The following CCDC91 variants were observed in gnomAD, a reference collection of about 807,000 sequenced individuals.
CCDC91 encodes coiled-coil domain-containing protein 91.
CCDC91 carries 48 observed loss-of-function variants against 63.2 expected under a neutral mutation model. The observed-to-expected ratio is 0.76, with a 90% CI of 0.60 to 0.97. The LOEUF (loss-of-function observed/expected upper bound fraction) is 0.97. CCDC91 is among the 50% of genes least tolerant of loss of function. The probability of loss-of-function intolerance (pLI) is 0.00; values close to 1 mark genes in which losing one functional copy is unlikely to be tolerated. For missense variants in CCDC91, 500 were observed against 494.6 expected (o/e 1.01, Z -0.10); for synonymous variants, 167 against 165.8 (o/e 1.01, Z -0.06).
intron 11 of CCDC91, among the ~76,000 whole-genome samples, chr12:28,466,606 A>G (rs1386140464): frequency 6.6e-6 from 1 of 152,158 alleles, no homozygotes; most frequent in Non-Finnish European, 1.5e-5. Context: ...CTAGAATAGT[A>G]CATTCAGCAA....
chr12:28,391,605 T>C (rs1180548193), intron 8 of CCDC91, among the ~76,000 whole-genome samples, 194 bp downstream of exon 8: 3 of 152,164 alleles, frequency 2.0e-5, no homozygotes, highest in African/African-American at 7.2e-5. Context: ...AATATGTGGG[T>C]CTCCCCCACA....
Position 28,522,745 on chromosome 12 carries a change from A to G in CCDC91, c.1216-26318A>G, listed in dbSNP as rs572237176. Among the ~76,000 whole-genome samples the G allele has an allele frequency of 1.0e-3, 155 of 152,206 alleles. 1 individual carries two copies. Among genetic ancestry groups the G allele is most frequent in the African/African-American group, 3.0e-3 (125 of 41,526 alleles). ...AATTTCCATCTACACACTGCTTTCA[A>G]TGTGTCCCAGAAATTCTGGTATGTT... On this transcript the variant is annotated intron_variant, in intron 12 of 12. Transcript: ENST00000536442.
chr12:28,440,000 A>G (rs1211954811), intron 8 of CCDC91, among the ~76,000 whole-genome samples: 2 of 151,768 alleles, frequency 1.3e-5, no homozygotes, highest in Admixed American at 6.6e-5. Flanking sequence ...TAAAATTTCA[A>G]TTTTTGAAAA....
intron 1 of CCDC91, among the ~76,000 whole-genome samples, chr12:28,201,863 C>CA (rs1223447088): frequency 3.5e-5 from 5 of 143,252 alleles, no homozygotes; most frequent in Non-Finnish European, 1.6e-5. Flanking sequence ...CCGTCTCCAC[C>CA]AAAAAAATAC....
chr12:28,198,748 T>G (rs564234893), intron 1 of CCDC91, among the ~76,000 whole-genome samples: 92 of 152,308 alleles, frequency 6.0e-4, no homozygotes, highest in Middle Eastern at 6.8e-3. Context: ...TTGAATCCAT[T>G]TACAATTAAT....
At chr12:28,518,693 T>C (rs1484029147) in intron 12 of CCDC91, among the ~76,000 whole-genome samples, 1 of 152,042 alleles carries the variant, frequency 6.6e-6, no homozygotes, top group Non-Finnish European at 1.5e-5. Context: ...TTTATTGCAT[T>C]TGTTTTTGGG....
chr12:28,371,312 T>C (rs4931741), intron 7 of CCDC91, among the ~76,000 whole-genome samples: 139,202 of 152,100 alleles, frequency 0.92, 64,840 homozygotes, highest in East Asian at 1. Flanking sequence ...ATGCAAAACC[T>C]TATGGTGAAC....
At chr12:28,343,011 A>C (rs1404844270) in intron 6 of CCDC91, among the ~76,000 whole-genome samples, 1 of 152,078 alleles carries the variant, frequency 6.6e-6, no homozygotes, top group African/African-American at 2.4e-5. Flanking sequence ...TGGCCTATCA[A>C]ACTTAAGGCA....
intron 1 of CCDC91, among the ~76,000 whole-genome samples, chr12:28,202,359 T>C (rs937297211): frequency 3.9e-5 from 6 of 152,258 alleles, no homozygotes. Context: ...GAAAATTAGA[T>C]AATTAAATAA....
At chr12:28,456,164 C>A (rs1950048473) in intron 11 of CCDC91, among the ~76,000 whole-genome samples, 1 of 152,052 alleles carries the variant, frequency 6.6e-6, no homozygotes. Context: ...CATTCTGTAA[C>A]ATTTATGGCG....
intron 6 of CCDC91, among the ~76,000 whole-genome samples, chr12:28,333,990 C>G (rs1941722958): frequency 6.6e-6 from 1 of 151,948 alleles, no homozygotes; most frequent in African/African-American, 2.4e-5. Flanking sequence ...ACATGACAGA[C>G]TTCTGTGCTT....
intron 12 of CCDC91, among the ~76,000 whole-genome samples, chr12:28,495,986 TAA>T (rs753251695): frequency 5.3e-5 from 8 of 151,692 alleles, no homozygotes; most frequent in Non-Finnish European, 1.0e-4. Context: ...ACCAGGTAAC[TAA>T]AATCTTTCCG....
At chr12:28,395,139 CT>C (rs1946211765) in intron 8 of CCDC91, among the ~76,000 whole-genome samples, 1 of 152,112 alleles carries the variant, frequency 6.6e-6, no homozygotes, top group African/African-American at 2.4e-5. Context: ...AGAACCTTTA[CT>C]TTTTACAAAA....
intron 6 of CCDC91, among the ~76,000 whole-genome samples, chr12:28,331,413 A>G (rs1158962678): frequency 1.3e-5 from 2 of 152,218 alleles, no homozygotes; most frequent in Non-Finnish European, 1.5e-5. Context: ...AAATAGAAGC[A>G]AAAGTATTGT....
chr12:28,214,056 C>A (rs1476424485), intron 1 of CCDC91, among the ~76,000 whole-genome samples: 4 of 152,098 alleles, frequency 2.6e-5, no homozygotes, highest in Admixed American at 2.6e-4. Context: ...GACTTGCTAG[C>A]AAAATTTTTG....
intron 7 of CCDC91, among the ~76,000 whole-genome samples, chr12:28,378,417 A>G (rs1945081143): frequency 6.6e-6 from 1 of 152,080 alleles, no homozygotes; most frequent in East Asian, 1.9e-4. Context: ...GAAGGAGAAC[A>G]TATTACATTT....
At chr12:28,399,401 A>T (rs1050212935) in intron 8 of CCDC91, among the ~76,000 whole-genome samples, 2 of 152,182 alleles carry the variant, frequency 1.3e-5, no homozygotes, top group African/African-American at 4.8e-5. Flanking sequence ...CTTGGGGATT[A>T]TGGGAACCAA....
intron 1 of CCDC91, among the ~76,000 whole-genome samples, chr12:28,227,011 A>C (rs1456406368): frequency 2.0e-5 from 3 of 152,070 alleles, no homozygotes; most frequent in African/African-American, 7.2e-5. Context: ...TCATGATTAG[A>C]CTGGGGTTAG....
At chr12:28,265,924 C>T (rs1432320827) in intron 3 of CCDC91, among the ~76,000 whole-genome samples, 1 of 152,008 alleles carries the variant, frequency 6.6e-6, no homozygotes, top group Non-Finnish European at 1.5e-5. Flanking sequence ...AGGACATAAA[C>T]CAGATTTCTG....
Sources: allele counts gnomAD v4.1 joint callset (sites outside exome capture counted in the v4.1 genomes callset), GRCh38; gene constraint gnomAD v4.1.1; transcripts MANE v1.5; gene names NCBI Gene and HGNC (gene_info 2026-07-23, HGNC 2026-07-21).